Variants in MIA2 observed in about 807,000 individuals in gnomAD.
MIA2 encodes the protein melanoma inhibitory activity protein 2.
Under a neutral mutation model 167.8 loss-of-function variants are expected in MIA2, and 127 were observed. That is an observed-to-expected ratio of 0.76 (90% confidence interval 0.66 to 0.88). The LOEUF (loss-of-function observed/expected upper bound fraction) is 0.88, where lower values mean the gene tolerates loss of function less well. MIA2 is among the 40% of genes least tolerant of loss of function. MIA2 has a pLI of 0.00. For synonymous variants in MIA2, 552 were observed against 541.9 expected (o/e 1.02, Z -0.26); for missense variants, 1,690 against 1,624.7 (o/e 1.04, Z -0.69).
At chr14:39,261,258 C>T (rs1360479480) in intron 6 of MIA2, among the ~76,000 whole-genome samples, 28 of 152,100 alleles carry the variant, frequency 1.8e-4, no homozygotes, top group Middle Eastern at 3.4e-3. Context: ...TTTGTTCTTG[C>T]GATAGTTTGC....
chr14:39,283,907 C>T (rs1480165984), intron 9 of MIA2, among the ~76,000 whole-genome samples: 1 of 151,940 alleles, frequency 6.6e-6, no homozygotes, highest in Non-Finnish European at 1.5e-5. Flanking sequence ...GAATATTAAC[C>T]CCTTATCTGA....
chr14:39,259,710 T>G (rs904751001), intron 6 of MIA2, among the ~76,000 whole-genome samples: 4 of 150,858 alleles, frequency 2.7e-5, no homozygotes, highest in Admixed American at 1.3e-4. Flanking sequence ...TTTTTTTTTT[T>G]TTTTTTTTTT....
chr14:39,328,940 G>C (rs1396166179), intron 25 of MIA2, among the ~76,000 whole-genome samples: 1 of 152,074 alleles, frequency 6.6e-6, no homozygotes, highest in Non-Finnish European at 1.5e-5. Context: ...GATTGTCTTG[G>C]ATATATGGGC....
intron 2 of MIA2, among the ~76,000 whole-genome samples, chr14:39,237,795 A>G (rs2053827583): frequency 6.6e-6 from 1 of 152,208 alleles, no homozygotes; most frequent in African/African-American, 2.4e-5. Context: ...GCTGGAGTGC[A>G]GTGGCGCGAT....
intron 9 of MIA2, among the ~76,000 whole-genome samples, chr14:39,282,417 T>A (rs1383989594): frequency 6.6e-6 from 1 of 152,164 alleles, no homozygotes; most frequent in African/African-American, 2.4e-5. Context: ...TGAAACAAAT[T>A]AACGTATTCT....
Position 39,350,237 on chromosome 14 carries a change from A to T in MIA2, c.4212A>T (p.Glu1404Asp). 1 of 1,503,082 alleles carries T rather than the reference A, an allele frequency of 6.7e-7. No individual in the cohort carries two copies. The highest frequency in any genetic ancestry group is 8.9e-7 in the Non-Finnish European group (1 of 1,124,656). 93.1% of individuals were successfully genotyped at this position (1,503,082 alleles called of 1,614,324 possible). A position where few individuals can be genotyped will look rare whatever the true frequency, so the allele number is the denominator to read the frequency against. ...LIPPSNEPAT[E>D]HPEPQQET ...CACCTTCAAATGAGCCTGCTACTGA[A>T]CATCCAGAACCACAGCAAGAAACCT... The change falls in exon 29 of 29, where the codon GAA becomes GAT. Residue 1404 changes from glutamate (E) to aspartate (D), a missense_variant. Glu to Asp is a conservative substitution (Grantham distance 45). Coordinates refer to ENST00000640607, the MANE Select transcript of MIA2 (RefSeq NM_001329214.4).
intron 6 of MIA2, among the ~76,000 whole-genome samples, chr14:39,270,565 G>A (rs1480150391): frequency 6.6e-6 from 1 of 151,856 alleles, no homozygotes; most frequent in African/African-American, 2.4e-5. Flanking sequence ...GTCTTGCTTT[G>A]TTGCCCAGGC....
intron 9 of MIA2, among the ~76,000 whole-genome samples, chr14:39,290,669 T>G (rs537532030): frequency 6.6e-6 from 1 of 152,220 alleles, no homozygotes; most frequent in African/African-American, 2.4e-5. Context: ...ATACGCTCTT[T>G]GAGTAAATCT....
chr14:39,308,437 A>C lies in MIA2; in HGVS notation c.2879-12A>C, dbSNP rs1249630594. ...GTTTCTCCTTTAATTATGACTTAAA[A>C]TTTTTATATAGAGCATATTAAAAAT... On this transcript the variant is annotated splice_polypyrimidine_tract_variant and intron_variant, in intron 17 of 28. Coordinates refer to ENST00000640607, the MANE Select transcript of MIA2 (RefSeq NM_001329214.4). The C allele has an allele frequency of 6.9e-7, 1 of 1,443,806 alleles. No individual in the cohort carries two copies. Among genetic ancestry groups the C allele is most frequent in the African/African-American group, 1.5e-5 (1 of 67,942 alleles). The allele number at this position is 1,443,806 out of a possible 1,614,324, so 89.4% of individuals were successfully genotyped here.
chr14:39,258,890 C>T (rs368324743), intron 6 of MIA2, among the ~76,000 whole-genome samples: 287 of 152,294 alleles, frequency 1.9e-3, no homozygotes, highest in African/African-American at 6.5e-3. Context: ...AGACCCTGTT[C>T]GACTGGATAT....
chr14:39,326,808 G>A, intron 24 of MIA2, 56 bp from the exon 25 acceptor site: 1 of 1,468,594 alleles, frequency 6.8e-7, no homozygotes. Flanking sequence ...TGTAAAACAA[G>A]TATATAAGAC....
Position 39,348,761 on chromosome 14 carries a change from T to G in MIA2, c.3856T>G (p.Ser1286Ala), listed in dbSNP as rs2073932559. Residue 1286 changes from serine (S) to alanine (A), a missense_variant, in exon 28 of 29, where the codon TCA (serine) becomes GCA (alanine). Coordinates refer to ENST00000640607, the MANE Select transcript of MIA2 (RefSeq NM_001329214.4). ...DDLGNLNVPD[S>A]SLPAENEATG... ...GTTGTAGAATTTAAATGTGCCTGAT[T>G]CATCTCTCCCTGCTGAAAATGAAGC... 1 of 1,613,950 alleles carries G rather than the reference T, an allele frequency of 6.2e-7. No individual in the cohort carries two copies. The highest frequency in any genetic ancestry group is 2.2e-5 in the East Asian group (1 of 44,888).
chr14:39,261,846 T>C (rs1051026253), intron 6 of MIA2, among the ~76,000 whole-genome samples: 8 of 152,190 alleles, frequency 5.3e-5, no homozygotes, highest in Non-Finnish European at 1.2e-4. Context: ...TGTTTATTTT[T>C]TTCTTGTACA....
chr14:39,270,173 A>G (rs1240296738), intron 6 of MIA2, among the ~76,000 whole-genome samples: 1 of 149,370 alleles, frequency 6.7e-6, no homozygotes, highest in East Asian at 2.0e-4. Context: ...GTGGGTGTAC[A>G]GGTGAGTGGT....
intron 12 of MIA2, 34 bp from the exon 13 acceptor site, chr14:39,294,890 AT>A: frequency 7.3e-7 from 1 of 1,375,058 alleles, no homozygotes. Context: ...TATTAAATTA[AT>A]TGTTACAAAC....
At chr14:39,269,079 T>TTTTTTTTTG (rs2056622731) in intron 6 of MIA2, 1 of 522,934 alleles carries the variant, frequency 1.9e-6, no homozygotes, top group Non-Finnish European at 2.2e-6. Context: ...GCACAGTTTT[T>TTTTTTTTTG]TTTTTTTTTT....
At chr14:39,385,812 A>T (rs1216803789) in intron 23 of MIA2, 9 of 913,618 alleles carry the variant, frequency 9.9e-6, no homozygotes, top group Non-Finnish European at 1.7e-5. Context: ...CAGTGCTTCT[A>T]TTTACAACAC....
rs535937997 is a variant in MIA2, at chr14:39,253,395, C to T, written c.1887+224C>T. 6 of 613,368 alleles carry T rather than the reference C, an allele frequency of 9.8e-6. No individual in the cohort carries two copies. In the Admixed American group the frequency reaches 1.1e-4, roughly 11 times the overall value. 38.0% of individuals were successfully genotyped at this position (613,368 alleles called of 1,614,324 possible). Reference sequence around the variant, plus strand: ...AAGTTTTGTTGATGTTGATCTTGAGCGGTGTTTGCTTTTTACTCCACCCTC... The same window carrying T: ...AAGTTTTGTTGATGTTGATCTTGAGTGGTGTTTGCTTTTTACTCCACCCTC... On this transcript the variant is annotated intron_variant, in intron 6 of 28. Coordinates refer to ENST00000640607, the MANE Select transcript of MIA2 (RefSeq NM_001329214.4).
intron 23 of MIA2, among the ~76,000 whole-genome samples, chr14:39,361,685 C>T (rs1413799262): frequency 2.6e-5 from 4 of 152,234 alleles, no homozygotes; most frequent in African/African-American, 9.6e-5. Flanking sequence ...GGTGATCCAC[C>T]CGCCTTGGCC....
Sources: allele counts gnomAD v4.1 joint callset (sites outside exome capture counted in the v4.1 genomes callset), GRCh38; gene constraint gnomAD v4.1.1; transcripts MANE v1.5; gene names NCBI Gene and HGNC (gene_info 2026-07-23, HGNC 2026-07-21).